Variants in CRY1 observed in about 807,000 individuals in gnomAD.
CRY1 encodes the protein cryptochrome circadian regulator 1, also known as cryptochrome-1.
In CRY1, 45 loss-of-function variants were observed where a neutral mutation model predicts 76.0. The observed-to-expected ratio is 0.59, with a 90% CI of 0.47 to 0.76. The LOEUF (loss-of-function observed/expected upper bound fraction) is 0.76. CRY1 is among the 30% of genes least tolerant of loss of function. The pLI is 0.00. For missense variants in CRY1, 587 were observed against 716.4 expected (o/e 0.82, Z 2.06); for synonymous variants, 248 against 244.0 (o/e 1.02, Z -0.15).
At chr12:107,089,274 T>C (rs1158003956) in intron 1 of CRY1, among the ~76,000 whole-genome samples, 1 of 152,206 alleles carries the variant, frequency 6.6e-6, no homozygotes, top group African/African-American at 2.4e-5. Flanking sequence ...CTTGTAAATT[T>C]ACCCAAATCA....
intron 1 of CRY1, among the ~76,000 whole-genome samples, chr12:107,059,929 A>C (rs970921219): frequency 2.6e-5 from 4 of 152,230 alleles, no homozygotes; most frequent in South Asian, 2.1e-4. Context: ...TCTATAAATA[A>C]TACTGTTTTT....
intron 3 of CRY1, among the ~76,000 whole-genome samples, chr12:107,004,096 C>T (rs781174013): frequency 1.2e-4 from 18 of 152,106 alleles, no homozygotes; most frequent in African/African-American, 3.6e-4. Context: ...TGAGCCATCG[C>T]GCCTAGCCTA....
intron 1 of CRY1, among the ~76,000 whole-genome samples, chr12:107,066,725 A>G (rs1953116391): frequency 6.7e-6 from 1 of 149,722 alleles, no homozygotes; most frequent in South Asian, 2.1e-4. Context: ...CGGCCTCCCA[A>G]ATTGTTAGGA....
At chr12:107,063,026 T>TTA (rs1373569744) in intron 1 of CRY1, among the ~76,000 whole-genome samples, 4 of 152,244 alleles carry the variant, frequency 2.6e-5, no homozygotes, top group Non-Finnish European at 5.9e-5. Context: ...TATTTTTAAG[T>TTA]TAAAAATATG....
chr12:107,058,732 T>C (rs1446245448), intron 1 of CRY1, among the ~76,000 whole-genome samples: 2 of 152,234 alleles, frequency 1.3e-5, no homozygotes, highest in African/African-American at 2.4e-5. Flanking sequence ...CAGAAAATTC[T>C]GAATGTTGAT....
intron 10 of CRY1, among the ~76,000 whole-genome samples, chr12:106,995,813 GC>G (rs1566239360): frequency 6.6e-6 from 1 of 151,688 alleles, no homozygotes; most frequent in Non-Finnish European, 1.5e-5. Context: ...CCCTGCCCCT[GC>G]CCCCCCAACA....
intron 1 of CRY1, among the ~76,000 whole-genome samples, chr12:107,081,531 TC>T (rs942969229): frequency 1.4e-4 from 22 of 151,954 alleles, no homozygotes; most frequent in Admixed American, 2.6e-4. Context: ...CTGTCCGTTT[TC>T]CCCCCACTGG....
intron 10 of CRY1, among the ~76,000 whole-genome samples, chr12:106,993,518 A>T (rs1229804465): frequency 6.6e-6 from 1 of 151,780 alleles, no homozygotes; most frequent in Non-Finnish European, 1.5e-5. Context: ...AAGCAATCCT[A>T]TCAACCCTTC....
At chr12:107,033,798 A>G (rs1024358169) in intron 1 of CRY1, among the ~76,000 whole-genome samples, 6 of 150,802 alleles carry the variant, frequency 4.0e-5, no homozygotes, top group South Asian at 2.1e-4. Context: ...TGTTGAAAGC[A>G]CTTCCTTTAA....
At chr12:107,037,170 G>A (rs184902059) in intron 1 of CRY1, among the ~76,000 whole-genome samples, 94 of 152,220 alleles carry the variant, frequency 6.2e-4, no homozygotes, top group Non-Finnish European at 8.7e-4. Context: ...ATCACAGAGG[G>A]AATAAAGGCC....
rs1953497715 is a variant in CRY1, at chr12:107,093,184, G to A, written c.-223C>T. ...GAGGTTGCCTAGTCGGCGGAGTCCG[G>A]GTGTGACGCCCTTTAGGAGCCCGCG... On this transcript the variant is annotated 5_prime_UTR_variant, in exon 1 of 13. Transcript: ENST00000008527. The A allele has an allele frequency of 3.6e-5, 19 of 523,348 alleles. No homozygotes were observed. The South Asian group carries it at 6.1e-4, about 17-fold the overall frequency. The allele number at this position is 523,348 out of a possible 1,614,324, so 32.4% of individuals were successfully genotyped here. A position where few individuals can be genotyped will look rare whatever the true frequency, so the allele number is the denominator to read the frequency against.
intron 1 of CRY1, among the ~76,000 whole-genome samples, chr12:107,022,981 CT>C (rs1952574863): frequency 6.6e-6 from 1 of 152,096 alleles, no homozygotes; most frequent in Non-Finnish European, 1.5e-5. Context: ...AGACTGCTTA[CT>C]GTGCATCTTC....
intron 2 of CRY1, among the ~76,000 whole-genome samples, chr12:107,015,697 T>C (rs1333932994): frequency 6.6e-6 from 1 of 152,138 alleles, no homozygotes; most frequent in African/African-American, 2.4e-5. Context: ...TTTGCAATTT[T>C]TTTTGAGCGA....
At chr12:107,087,135 T>A (rs1953412459) in intron 1 of CRY1, among the ~76,000 whole-genome samples, 1 of 152,108 alleles carries the variant, frequency 6.6e-6, no homozygotes, top group Non-Finnish European at 1.5e-5. Context: ...CCTGGAAAAG[T>A]GACAGACATT....
At chr12:106,995,540 C>A (rs1336466427) in intron 10 of CRY1, among the ~76,000 whole-genome samples, 2 of 152,114 alleles carry the variant, frequency 1.3e-5, no homozygotes, top group Non-Finnish European at 2.9e-5. Flanking sequence ...TTAGTGACAT[C>A]TTATGAAACT....
chr12:107,042,725 C>T (rs1952811940), intron 1 of CRY1, among the ~76,000 whole-genome samples: 1 of 152,074 alleles, frequency 6.6e-6, no homozygotes, highest in African/African-American at 2.4e-5. Flanking sequence ...GGGTATATCA[C>T]AGGAACAGAA....
rs149521391 is a variant in CRY1 at position 107,017,157 on chromosome 12, G to A, written c.267+4927C>T. On this transcript the variant is annotated intron_variant, in intron 2 of 12. Coordinates refer to ENST00000008527, the MANE Select transcript of CRY1 (RefSeq NM_004075.5). Reference sequence around the variant, plus strand: ...TCTCCAATGGCATCTATTTCACTCCGAGTAAAGGCTGAAGCTCCTAACATG... The same window carrying A: ...TCTCCAATGGCATCTATTTCACTCCAAGTAAAGGCTGAAGCTCCTAACATG... 3.9e-5 allele frequency among the ~76,000 whole-genome samples: 6 copies of A among 152,296 alleles called. No individual in the cohort carries two copies. In the East Asian group the frequency reaches 5.8e-4, roughly 15 times the overall value.
intron 1 of CRY1, among the ~76,000 whole-genome samples, chr12:107,090,482 G>A (rs2136905448): frequency 6.6e-6 from 1 of 152,252 alleles, no homozygotes; most frequent in African/African-American, 2.4e-5. Context: ...TTCTTTCACA[G>A]CTCCACAATT....
Position 106,999,941 on chromosome 12 carries a change from C to A in CRY1, c.825+1G>T, listed in dbSNP as rs780614131. 1.3e-6 allele frequency: 2 copies of A among 1,594,338 alleles called. No individual in the cohort carries two copies. The highest frequency in any genetic ancestry group is 8.5e-7 in the Non-Finnish European group (1 of 1,175,198). ...CAATAAGCTCTAATTTTAGAGAATA[C>A]CTTTTTGTAGAGATCTGTTAGTTTG... On this transcript the variant is annotated splice_donor_variant, in intron 6 of 12. Coordinates refer to ENST00000008527, the MANE Select transcript of CRY1 (RefSeq NM_004075.5). LOFTEE classifies it high-confidence loss of function.
Sources: gnomAD v4.1 joint callset for allele counts (sites outside exome capture counted in the v4.1 genomes callset) on GRCh38, gnomAD v4.1.1 for gene constraint, MANE v1.5 for transcripts, NCBI Gene and HGNC (gene_info 2026-07-23, HGNC 2026-07-21) for gene names.